The following TNIP1 variants were observed in gnomAD, a reference collection of about 807,000 sequenced individuals.
TNIP1 encodes the protein TNFAIP3 interacting protein 1.
In TNIP1, 22 loss-of-function variants were observed where a neutral mutation model predicts 86.6. The ratio of observed to expected loss-of-function variants is 0.25; its 90% CI spans 0.18 to 0.36. The LOEUF (loss-of-function observed/expected upper bound fraction) is 0.36, where lower values mean the gene tolerates loss of function less well. Among genes scored for constraint, TNIP1 ranks in the 10% least tolerant of loss-of-function variants. The pLI, the probability that TNIP1 is intolerant of heterozygous loss-of-function variation, is 1.00. For missense variants in TNIP1, 709 were observed against 820.6 expected (o/e 0.86, Z 1.66); for synonymous variants, 294 against 313.0 (o/e 0.94, Z 0.64).
intron 16 of TNIP1, chr5:151,032,690 T>G (rs1025261153): frequency 2.9e-6 from 1 of 345,816 alleles, no homozygotes; most frequent in African/African-American, 2.2e-5. Context: ...AGAAGGGTCA[T>G]ATGGGAGAAG....
intron 17 of TNIP1, among the ~76,000 whole-genome samples, chr5:151,031,582 T>C (rs1756896699): frequency 6.6e-6 from 1 of 152,208 alleles, no homozygotes; most frequent in African/African-American, 2.4e-5. Flanking sequence ...GCTTTAAAAA[T>C]GTCCAGTGAC....
intron 11 of TNIP1, among the ~76,000 whole-genome samples, chr5:151,041,904 A>G (rs1042483264): frequency 2.1e-5 from 3 of 140,064 alleles, no homozygotes; most frequent in African/African-American, 8.1e-5. Flanking sequence ...GCAGCATCCC[A>G]CCCCACCAAG....
At chr5:151,059,107 A>T (rs574910014) in intron 5 of TNIP1, among the ~76,000 whole-genome samples, 1 of 152,186 alleles carries the variant, frequency 6.6e-6, no homozygotes, top group South Asian at 2.1e-4. Context: ...CCAGACTACA[A>T]GCTTCAGAGC....
chr5:151,058,836 T>C (rs1284566510), intron 5 of TNIP1, among the ~76,000 whole-genome samples: 1 of 152,120 alleles, frequency 6.6e-6, no homozygotes, highest in Admixed American at 6.5e-5. Context: ...GAACTGAGGT[T>C]TCCTGACTCG....
chr5:151,048,239 G>A (rs976384088), intron 8 of TNIP1, among the ~76,000 whole-genome samples: 3 of 152,168 alleles, frequency 2.0e-5, no homozygotes, highest in Admixed American at 6.6e-5. Context: ...GAACCTCCGC[G>A]AGGGAGAGAG....
intron 11 of TNIP1, among the ~76,000 whole-genome samples, chr5:151,040,123 C>T (rs1231871520): frequency 6.6e-6 from 1 of 152,242 alleles, no homozygotes; most frequent in Non-Finnish European, 1.5e-5. Flanking sequence ...GGGATGGCAG[C>T]ACAGTGCAGT....
chr5:151,083,902 C>T (rs1764175350), upstream of TNIP1, among the ~76,000 whole-genome samples: 1 of 152,190 alleles, frequency 6.6e-6, no homozygotes, highest in East Asian at 1.9e-4. Flanking sequence ...GCTATCTCCG[C>T]GCTTTTATTC....
At chr5:151,082,174 G>C (rs909026926), upstream of TNIP1, among the ~76,000 whole-genome samples, 3 of 152,142 alleles carry the variant, frequency 2.0e-5, no homozygotes, top group African/African-American at 7.2e-5. Context: ...TACACACACA[G>C]ATACTTGCCC....
intron 1 of TNIP1, among the ~76,000 whole-genome samples, chr5:151,070,071 G>A (rs1762668298): frequency 6.6e-6 from 1 of 152,100 alleles, no homozygotes; most frequent in Non-Finnish European, 1.5e-5. Flanking sequence ...CCTGTGGGCT[G>A]TGAAACCCTG....
At chr5:151,042,403 CTG>C in intron 11 of TNIP1, 135 bp downstream of exon 11, 1 of 1,134,168 alleles carries the variant, frequency 8.8e-7, no homozygotes, top group Non-Finnish European at 1.2e-6. Context: ...AGGAACGTGC[CTG>C]TGTTTTTGGT....
At chr5:151,069,616 G>A (rs760619415) in intron 1 of TNIP1, among the ~76,000 whole-genome samples, 1 of 152,128 alleles carries the variant, frequency 6.6e-6, no homozygotes, top group Non-Finnish European at 1.5e-5. Flanking sequence ...CAAATCTCTG[G>A]TACAGGGAGG....
At chr5:151,062,324 G>A (rs1053055763) in intron 3 of TNIP1, 112 bp from the exon 4 acceptor site, 22 of 944,600 alleles carry the variant, frequency 2.3e-5, no homozygotes, top group Admixed American at 4.1e-5. Context: ...TTCCCCACTC[G>A]AGTGTGGGAG....
chr5:151,048,328 C>T (rs1759450557), intron 8 of TNIP1, among the ~76,000 whole-genome samples: 2 of 152,184 alleles, frequency 1.3e-5, no homozygotes, highest in South Asian at 4.1e-4. Flanking sequence ...TCACTGTTTA[C>T]GACGCTAAAC....
chr5:151,064,000 C>T (rs1319008449), intron 2 of TNIP1, among the ~76,000 whole-genome samples: 3 of 152,148 alleles, frequency 2.0e-5, no homozygotes, highest in Admixed American at 6.5e-5. Context: ...AGAAACTCCT[C>T]GGCTCCCCCA....
At chr5:151,044,408 T>TAC (rs1758859873) in intron 9 of TNIP1, among the ~76,000 whole-genome samples, 1 of 152,106 alleles carries the variant, frequency 6.6e-6, no homozygotes. Context: ...TACATATATA[T>TAC]ACACACACGT....
upstream of TNIP1, among the ~76,000 whole-genome samples, chr5:151,085,953 TC>T (rs1196054064): frequency 1.3e-5 from 2 of 152,230 alleles, no homozygotes; most frequent in South Asian, 2.1e-4. Flanking sequence ...CTATGGCCCC[TC>T]CCCGCTCTCC....
Position 151,056,803 on chromosome 5 carries a change from T to C in TNIP1, c.590A>G (p.Lys197Arg). 6.4e-7 allele frequency: 1 copy of C among 1,573,772 alleles called. No homozygotes were observed. Among genetic ancestry groups the C allele is most frequent in the Non-Finnish European group, 8.6e-7 (1 of 1,159,516 alleles). ...MALEFNRLAS[K>R]VHKNEQRTSI... ...GGTGCGCTGCTCATTCTTGTGCACC[T>C]TGGATGCCAGTCGGTTGAACTCCAG... is the stretch of plus-strand genomic sequence containing the variant. The change falls in exon 6 of 18, where the codon AAG becomes AGG. Residue 197 changes from lysine to arginine, a missense_variant. By Grantham distance (26) the Lys-to-Arg change is conservative. Transcript: ENST00000521591.
At chr5:151,056,738 C>T in intron 6 of TNIP1, 28 bp downstream of exon 6, 2 of 1,454,186 alleles carry the variant, frequency 1.4e-6, no homozygotes, top group Non-Finnish European at 1.8e-6. Flanking sequence ...GCCTGCCTGT[C>T]TCGGGCTGCC....
chr5:151,083,895 A>C (rs1017603648), upstream of TNIP1, among the ~76,000 whole-genome samples: 1 of 152,230 alleles, frequency 6.6e-6, no homozygotes, highest in Non-Finnish European at 1.5e-5. Context: ...GCTGTGTGCT[A>C]TCTCCGCGCT....
Sources: allele counts gnomAD v4.1 joint callset (sites outside exome capture counted in the v4.1 genomes callset), GRCh38; gene constraint gnomAD v4.1.1; transcripts MANE v1.5; gene names NCBI Gene and HGNC (gene_info 2026-07-23, HGNC 2026-07-21).